The following PLXNA4 variants were observed in gnomAD, a reference collection of about 807,000 sequenced individuals.
PLXNA4 encodes the protein plexin A4.
In PLXNA4, 44 loss-of-function variants were observed where a neutral mutation model predicts 191.8. The observed-to-expected ratio is 0.23, with a 90% confidence interval of 0.18 to 0.29. PLXNA4 has a LOEUF of 0.29. PLXNA4 is among the 10% of genes least tolerant of loss of function. PLXNA4 has a pLI of 1.00. For synonymous variants in PLXNA4, 1,082 were observed against 1,009.5 expected (o/e 1.07, Z -1.36); for missense variants, 1,800 against 2,488.8 (o/e 0.72, Z 5.89).
At chr7:132,557,352 A>G (rs1490304892) in intron 1 of PLXNA4, among the ~76,000 whole-genome samples, 3 of 152,212 alleles carry the variant, frequency 2.0e-5, no homozygotes, top group Non-Finnish European at 4.4e-5. Context: ...CCAACTTGCC[A>G]GCACAGCCAG....
In PLXNA4 at chr7:132,179,864, G is replaced by A; in HGVS notation, c.3697C>T (p.Pro1233Ser). The change falls in exon 20 of 32, where the codon CCG (proline) becomes TCG (serine). Residue 1233 changes from proline to serine, a missense_variant. Pro to Ser is a moderately conservative substitution (Grantham distance 74, BLOSUM62 -1). Coordinates refer to ENST00000321063, the MANE Select transcript of PLXNA4 (RefSeq NM_020911.2). ...CTGACGATGGCGGGCAGGCTGAGCG[G>A]GCTGTCCGGGGCAATGTACACCATC... ...PGMVYIAPDS[P>S]LSLPAIVSIA... The A allele has an allele frequency of 6.2e-7, 1 of 1,613,190 alleles. No homozygotes were observed. The highest frequency in any genetic ancestry group is 8.5e-7 in the Non-Finnish European group (1 of 1,179,930).
chr7:132,203,047 G>A (rs79214928), intron 11 of PLXNA4, among the ~76,000 whole-genome samples: 3,393 of 152,258 alleles, frequency 0.022, 70 homozygotes, highest in South Asian at 0.11. Context: ...GGGGTTCTCC[G>A]TTCACTCAGC....
At chr7:132,460,194 A>G (rs1318896520) in intron 3 of PLXNA4, among the ~76,000 whole-genome samples, 1 of 151,930 alleles carries the variant, frequency 6.6e-6, no homozygotes, top group Non-Finnish European at 1.5e-5. Context: ...CCTCTGCCAA[A>G]AGTTTTTTAA....
Position 132,130,260 on chromosome 7 carries a change from G to A in PLXNA4, c.*219C>T, listed in dbSNP as rs965420378. 3.3e-6 allele frequency: 2 copies of A among 603,454 alleles called. No homozygotes were observed. Among genetic ancestry groups the A allele is most frequent in the Admixed American group, 6.2e-5 (2 of 32,390 alleles). The allele number at this position is 603,454 out of a possible 1,614,324, so 37.4% of individuals were successfully genotyped here. ...CTGGCCATTCTTGGACTAACTGAGG[G>A]TCAGTGGCTTGGTCCAATCGTGTTG... On this transcript the variant is annotated 3_prime_UTR_variant, in exon 32 of 32. Transcript: ENST00000321063.
At position 132,178,951 on chromosome 7, in the gene PLXNA4, A is replaced by G. The variant is rs780431257; in HGVS notation, c.3874+736T>C. 1.8e-3 allele frequency among the ~76,000 whole-genome samples: 275 copies of G among 149,016 alleles called. 11 individuals carry two copies. The highest frequency in any genetic ancestry group is 5.7e-3 in the Admixed American group (86 of 14,986). On this transcript the variant is annotated intron_variant, in intron 20 of 31. Coordinates refer to ENST00000321063, the MANE Select transcript of PLXNA4 (RefSeq NM_020911.2). ...CATACGCATACACACACGTGCACAC[A>G]CACACAGCCTCCAGCACTGCCCACA...
At chr7:132,143,698 C>G (rs893295261) in intron 29 of PLXNA4, among the ~76,000 whole-genome samples, 2 of 152,202 alleles carry the variant, frequency 1.3e-5, no homozygotes, top group African/African-American at 4.8e-5. Context: ...TTAAACGCAT[C>G]TTACCTAAAG....
intron 10 of PLXNA4, among the ~76,000 whole-genome samples, chr7:132,209,732 G>C (rs1235412745): frequency 2.0e-5 from 3 of 152,148 alleles, no homozygotes; most frequent in African/African-American, 7.2e-5. Flanking sequence ...GAAATCCTTT[G>C]TCTGGGACTC....
At chr7:132,619,725 G>A (rs73432845) in intron 2 of PLXNA4, among the ~76,000 whole-genome samples, 8,004 of 152,326 alleles carry the variant, frequency 0.053, 710 homozygotes, top group African/African-American at 0.18. Context: ...TATTGAACCT[G>A]CCTCACTCCA....
chr7:132,552,017 A>G (rs1800583884), intron 1 of PLXNA4, among the ~76,000 whole-genome samples: 2 of 152,276 alleles, frequency 1.3e-5, no homozygotes, highest in East Asian at 1.9e-4. Flanking sequence ...AGGGAAAAGA[A>G]TCTTATTAGC....
intron 3 of PLXNA4, among the ~76,000 whole-genome samples, chr7:132,417,058 T>C (rs1276983211): frequency 6.6e-6 from 1 of 152,164 alleles, no homozygotes; most frequent in African/African-American, 2.4e-5. Flanking sequence ...CTGAATGCCT[T>C]CTTGTCTGCA....
intron 1 of PLXNA4, among the ~76,000 whole-genome samples, chr7:132,515,889 T>C (rs1370278242): frequency 1.3e-5 from 2 of 152,214 alleles, no homozygotes; most frequent in Non-Finnish European, 2.9e-5. Flanking sequence ...TATTTGTCCA[T>C]TGATGCTGTC....
chr7:132,599,427 T>C (rs1031416079), intron 2 of PLXNA4, among the ~76,000 whole-genome samples: 2 of 152,242 alleles, frequency 1.3e-5, no homozygotes, highest in Non-Finnish European at 2.9e-5. Flanking sequence ...ATTAACTTTT[T>C]CTCTGGAAGG....
chr7:132,272,785 G>A (rs1400995993), intron 4 of PLXNA4, among the ~76,000 whole-genome samples: 2 of 152,126 alleles, frequency 1.3e-5, no homozygotes, highest in Non-Finnish European at 2.9e-5. Context: ...CTGCTGAAAT[G>A]TCCATTTTCT....
At chr7:132,545,150 C>A (rs1800244950) in intron 1 of PLXNA4, among the ~76,000 whole-genome samples, 2 of 152,246 alleles carry the variant, frequency 1.3e-5, no homozygotes, top group Admixed American at 1.3e-4. Flanking sequence ...CACCCCTCCC[C>A]CAGTGTCCTC....
At chr7:132,636,529 T>A (rs546689818) in intron 2 of PLXNA4, among the ~76,000 whole-genome samples, 1 of 152,310 alleles carries the variant, frequency 6.6e-6, no homozygotes, top group East Asian at 1.9e-4. Context: ...CATCCCATGG[T>A]TGCTATGAAA....
At chr7:132,236,125 G>A (rs1335666428) in intron 5 of PLXNA4, among the ~76,000 whole-genome samples, 1 of 152,110 alleles carries the variant, frequency 6.6e-6, no homozygotes, top group Admixed American at 6.5e-5. Flanking sequence ...TAAATTACAC[G>A]AGCCTTTCTT....
chr7:132,525,741 A>G (rs1195393930), intron 1 of PLXNA4, among the ~76,000 whole-genome samples: 1 of 152,152 alleles, frequency 6.6e-6, no homozygotes, highest in East Asian at 1.9e-4. Context: ...GGATTATAAT[A>G]ATATAGCACT....
At chr7:132,288,070 T>G (rs1041183477) in intron 4 of PLXNA4, among the ~76,000 whole-genome samples, 1 of 152,082 alleles carries the variant, frequency 6.6e-6, no homozygotes, top group African/African-American at 2.4e-5. Flanking sequence ...CCATTCCTCG[T>G]TGGAGGAGGG....
intron 4 of PLXNA4, among the ~76,000 whole-genome samples, chr7:132,272,170 T>G (rs1169692932): frequency 1.2e-4 from 19 of 152,200 alleles, no homozygotes; most frequent in Non-Finnish European, 2.4e-4. Context: ...ATCGCAAACA[T>G]GTTTTATGTC....
Sources: allele counts gnomAD v4.1 joint callset (sites outside exome capture counted in the v4.1 genomes callset), GRCh38; gene constraint gnomAD v4.1.1; transcripts MANE v1.5; gene names NCBI Gene and HGNC (gene_info 2026-07-23, HGNC 2026-07-21).